The following MSR1 variants were observed in gnomAD, a reference collection of about 807,000 sequenced individuals.
The protein encoded by MSR1 is macrophage scavenger receptor 1, also known as macrophage scavenger receptor types I and II.
Under a neutral mutation model 47.2 loss-of-function variants are expected in MSR1, and 53 were observed. The ratio of observed to expected loss-of-function variants is 1.12; its 90% CI spans 0.90 to 1.41. The LOEUF (loss-of-function observed/expected upper bound fraction) is 1.41, where lower values mean the gene tolerates loss of function less well. Among genes scored for constraint, MSR1 ranks in the 40% most tolerant of loss-of-function variants. The pLI is 0.00. For missense variants in MSR1, 786 were observed against 546.9 expected (o/e 1.44, Z -4.36); for synonymous variants, 239 against 185.6 (o/e 1.29, Z -2.34).
At chr8:16,169,606 C>T (rs1801423226) in intron 3 of MSR1, among the ~76,000 whole-genome samples, 1 of 152,040 alleles carries the variant, frequency 6.6e-6, no homozygotes, top group Non-Finnish European at 1.5e-5. Context: ...AGCTTAAACT[C>T]TAGGATTTTG....
In MSR1 at chr8:16,130,175, A is replaced by G. The variant is rs148749996; in HGVS notation, c.1034-9569T>C. On this transcript the variant is annotated intron_variant, in intron 8 of 9. Coordinates refer to ENST00000262101, the MANE Select transcript of MSR1 (RefSeq NM_138715.3). ...ACTGCTGGATCCATAATTGATTTAA[A>G]TCTCTATTTCAAACGACACAACATA... 4.1e-4 allele frequency among the ~76,000 whole-genome samples: 63 copies of G among 152,242 alleles called. No individual in the cohort carries two copies. In the East Asian group the frequency reaches 0.011, roughly 28 times the overall value.
chr8:16,151,203 C>G (rs887922844), intron 6 of MSR1, among the ~76,000 whole-genome samples: 1 of 152,068 alleles, frequency 6.6e-6, no homozygotes, highest in African/African-American at 2.4e-5. Flanking sequence ...TAGACAGGAG[C>G]ATCTTGGGGC....
chr8:16,175,329 G>C (rs1563166867), intron 2 of MSR1, 29 bp from the exon 3 acceptor site: 1 of 1,522,364 alleles, frequency 6.6e-7, no homozygotes, highest in East Asian at 2.3e-5. Flanking sequence ...CCAGCCTACT[G>C]TTAGAAAGTG....
At chr8:16,177,296 G>T (rs1033713635) in intron 2 of MSR1, among the ~76,000 whole-genome samples, 2 of 152,072 alleles carry the variant, frequency 1.3e-5, no homozygotes, top group Non-Finnish European at 2.9e-5. Context: ...TCTAATGACT[G>T]ATGTCTTTGT....
At chr8:16,146,148 T>C (rs1371448215) in intron 7 of MSR1, among the ~76,000 whole-genome samples, 1 of 152,108 alleles carries the variant, frequency 6.6e-6, no homozygotes, top group Non-Finnish European at 1.5e-5. Flanking sequence ...TTTCTGCAGC[T>C]GTAGGCCGCC....
At chr8:16,132,226 A>T (rs186460587) in intron 8 of MSR1, among the ~76,000 whole-genome samples, 6,548 of 151,874 alleles carry the variant, frequency 0.043, 244 homozygotes, top group Middle Eastern at 0.11. Context: ...CTGTATTCCT[A>T]GGAATTTTAT....
intron 9 of MSR1, among the ~76,000 whole-genome samples, chr8:16,119,861 C>T (rs1799955487): frequency 7.3e-6 from 1 of 136,056 alleles, no homozygotes; most frequent in Non-Finnish European, 1.5e-5. Context: ...TGCATGCTAT[C>T]ACGCCTGGCT....
chr8:16,150,340 G>T, intron 6 of MSR1, 29 bp from the exon 7 acceptor site: 1 of 1,369,380 alleles, frequency 7.3e-7, no homozygotes, highest in African/African-American at 1.4e-5. Flanking sequence ...AAAAAAGAAG[G>T]TAATAATTCA....
At chr8:16,112,940 T>TTA (rs1296524748) in intron 9 of MSR1, among the ~76,000 whole-genome samples, 2 of 131,278 alleles carry the variant, frequency 1.5e-5, no homozygotes, top group East Asian at 5.0e-4. Flanking sequence ...ATATTTTTTT[T>TTA]AAGTTTTTTT....
At chr8:16,143,308 T>A (rs2054527) in intron 8 of MSR1, among the ~76,000 whole-genome samples, 9,551 of 152,186 alleles carry the variant, frequency 0.063, 681 homozygotes, top group East Asian at 0.34. Context: ...CTTTGTGGAA[T>A]TTTTAGAAAA....
chr8:16,169,230 T>C (rs937769980), intron 3 of MSR1, among the ~76,000 whole-genome samples: 4 of 152,162 alleles, frequency 2.6e-5, no homozygotes, highest in African/African-American at 4.8e-5. Flanking sequence ...TAGAATAAAG[T>C]GGACTAATGC....
intron 8 of MSR1, among the ~76,000 whole-genome samples, chr8:16,133,119 C>A (rs558764273): frequency 6.6e-6 from 1 of 151,988 alleles, no homozygotes. Flanking sequence ...GAGATTAAAA[C>A]AGTTTGTGGA....
At chr8:16,150,140 G>GTGTATATATATATATATATATA (rs1402495981) in intron 7 of MSR1, 91 bp downstream of exon 7, 4 of 172,634 alleles carry the variant, frequency 2.3e-5, no homozygotes, top group African/African-American at 1.2e-4. Flanking sequence ...GTGTGTGTGT[G>GTGTATATATATATATATATATA]TATATATATA....
At chr8:16,171,405 G>A (rs1801483702) in intron 3 of MSR1, among the ~76,000 whole-genome samples, 1 of 151,920 alleles carries the variant, frequency 6.6e-6, no homozygotes, top group African/African-American at 2.4e-5. Context: ...AACAAAATAT[G>A]ACAATATTTT....
chr8:16,121,327 T>C (rs370544826), intron 8 of MSR1: 64 of 268,088 alleles, frequency 2.4e-4, no homozygotes, highest in African/African-American at 1.3e-3. Context: ...AGTAATTTTG[T>C]TCTGTAATGT....
At chr8:16,187,132 G>A (rs940009149) in intron 1 of MSR1, among the ~76,000 whole-genome samples, 3 of 151,818 alleles carry the variant, frequency 2.0e-5, no homozygotes, top group African/African-American at 7.3e-5. Flanking sequence ...GGAGGCTGAG[G>A]CGGGTGGATC....
At chr8:16,113,003 T>G (rs903762957) in intron 9 of MSR1, among the ~76,000 whole-genome samples, 16 of 142,616 alleles carry the variant, frequency 1.1e-4, no homozygotes, top group Non-Finnish European at 2.4e-4. Flanking sequence ...CAGGCTGGAG[T>G]GCAATGGCGT....
intron 3 of MSR1, among the ~76,000 whole-genome samples, chr8:16,171,029 G>C (rs1248522772): frequency 1.3e-5 from 2 of 151,736 alleles, no homozygotes; most frequent in African/African-American, 4.8e-5. Flanking sequence ...TTCGAGACCA[G>C]CCTGGCAAAC....
chr8:16,134,089 A>G (rs1430378010), intron 8 of MSR1, among the ~76,000 whole-genome samples: 1 of 152,132 alleles, frequency 6.6e-6, no homozygotes, highest in Non-Finnish European at 1.5e-5. Flanking sequence ...CTTTTTGTCA[A>G]CTGCTGATTC....
Sources: gnomAD v4.1 joint callset for allele counts (sites outside exome capture counted in the v4.1 genomes callset) on GRCh38, gnomAD v4.1.1 for gene constraint, MANE v1.5 for transcripts, NCBI Gene and HGNC (gene_info 2026-07-23, HGNC 2026-07-21) for gene names.